Variants in KIAA0825 observed in about 807,000 individuals in gnomAD.
KIAA0825 encodes KIAA0825, also known as uncharacterized protein KIAA0825.
Under a neutral mutation model 147.6 loss-of-function variants are expected in KIAA0825, and 119 were observed. That is an observed-to-expected ratio of 0.81 (90% CI 0.69 to 0.94). The LOEUF is 0.94. Among genes scored for constraint, KIAA0825 ranks in the 40% least tolerant of loss-of-function variants. The pLI is 0.00. For missense variants in KIAA0825, 1,381 were observed against 1,472.7 expected, an observed-to-expected ratio of 0.94 and a Z score of 1.02; for synonymous variants, 470 against 518.1, an observed-to-expected ratio of 0.91 and a Z score of 1.26.
chr5:94,585,450 T>C (rs1783082030), intron 1 of KIAA0825, among the ~76,000 whole-genome samples: 1 of 152,158 alleles, frequency 6.6e-6, no homozygotes, highest in Non-Finnish European at 1.5e-5. Context: ...AGAAGGCCAT[T>C]ACATAATGGT....
intron 11 of KIAA0825, 67 bp downstream of exon 11, chr5:94,464,802 A>G (rs1760282015): frequency 1.5e-6 from 2 of 1,358,350 alleles, no homozygotes; most frequent in Non-Finnish European, 2.0e-6. Context: ...TGAGATTCAG[A>G]ATTCTGCTTT....
At chr5:94,473,082 A>G (rs976938531) in intron 8 of KIAA0825, among the ~76,000 whole-genome samples, 5 of 152,170 alleles carry the variant, frequency 3.3e-5, no homozygotes, top group African/African-American at 7.2e-5. Flanking sequence ...GTTGCCTCAG[A>G]TTCATGGAGC....
chr5:94,324,897 G>A (rs1286445901), intron 20 of KIAA0825, among the ~76,000 whole-genome samples: 1 of 151,634 alleles, frequency 6.6e-6, no homozygotes, highest in Non-Finnish European at 1.5e-5. Context: ...ACTTATATTT[G>A]GCCGATTCTC....
chr5:94,428,284 C>A (rs561617540), intron 14 of KIAA0825, among the ~76,000 whole-genome samples: 1 of 151,468 alleles, frequency 6.6e-6, no homozygotes, highest in Non-Finnish European at 1.5e-5. Flanking sequence ...AGGTTTTGAT[C>A]CTATCATGAA....
intron 20 of KIAA0825, among the ~76,000 whole-genome samples, chr5:94,249,546 T>C (rs1775832168): frequency 6.6e-6 from 1 of 152,030 alleles, no homozygotes; most frequent in Admixed American, 6.6e-5. Context: ...AACACCCAGG[T>C]TGCATGCCCA....
In KIAA0825 at chr5:94,425,573, T is replaced by G. The variant is rs116027471; in HGVS notation, c.2498-8208A>C. 7.3e-3 allele frequency among the ~76,000 whole-genome samples: 1,107 copies of G among 152,168 alleles called. 17 individuals are homozygous for G. The highest frequency in any genetic ancestry group is 0.025 in the African/African-American group (1,052 of 41,504). ...GGGCAACACAGCAGGACCTCACCAT[T>G]GCACTCTAGCCTAGGCAACAGAGTG... On this transcript the variant is annotated intron_variant, in intron 14 of 20. Coordinates refer to ENST00000682413, the MANE Select transcript of KIAA0825 (RefSeq NM_001145678.3).
At chr5:94,578,572 T>A (rs1282180512) in intron 2 of KIAA0825, among the ~76,000 whole-genome samples, 1 of 152,222 alleles carries the variant, frequency 6.6e-6, no homozygotes, top group Non-Finnish European at 1.5e-5. Context: ...CTACCTTGCA[T>A]CCCTGCTTAT....
chr5:94,333,288 T>C (rs1446279299), intron 20 of KIAA0825, among the ~76,000 whole-genome samples: 1 of 152,218 alleles, frequency 6.6e-6, no homozygotes, highest in Non-Finnish European at 1.5e-5. Flanking sequence ...GTTTTAGTCA[T>C]GAAGTCTTTG....
intron 20 of KIAA0825, among the ~76,000 whole-genome samples, chr5:94,338,281 G>A (rs908083581): frequency 1.3e-5 from 2 of 150,992 alleles, no homozygotes; most frequent in Non-Finnish European, 3.0e-5. Context: ...GGCTTTTCAT[G>A]ACTGTATCTC....
rs372411045 is a variant in KIAA0825 at position 94,520,942 on chromosome 5, T to C, written c.301-25A>G. ...GCTAATGAAATTATAACATTAGAAA[T>C]GTGATTAAGTGCAATAGAAAAAATG... On this transcript the variant is annotated intron_variant, in intron 4 of 20. Coordinates refer to ENST00000682413, the MANE Select transcript of KIAA0825 (RefSeq NM_001145678.3). 70 of 1,475,922 alleles carry C rather than the reference T, an allele frequency of 4.7e-5. No homozygotes were observed. In the South Asian group the frequency reaches 7.6e-4, roughly 16 times the overall value. 91.4% of individuals were successfully genotyped at this position (1,475,922 alleles called of 1,614,324 possible).
intron 1 of KIAA0825, among the ~76,000 whole-genome samples, chr5:94,614,654 A>G (rs1423034116): frequency 6.6e-6 from 1 of 152,106 alleles, no homozygotes; most frequent in East Asian, 1.9e-4. Flanking sequence ...CCTATATGGC[A>G]CAAACTCAAT....
chr5:94,524,109 C>A lies in KIAA0825; in HGVS notation c.132-11G>T. 6.3e-7 allele frequency: 1 copy of A among 1,582,090 alleles called. No homozygotes were observed. The highest frequency in any genetic ancestry group is 1.4e-5 in the African/African-American group (1 of 73,340). On this transcript the variant is annotated splice_polypyrimidine_tract_variant and intron_variant, in intron 3 of 20. Transcript: ENST00000682413. ...ATGCAATGTTTTATGCTATAAAAAA[C>A]AGAAGAAAAAGTTATTTTGGCAGGA...
chr5:94,533,979 C>A (rs1226411176), intron 3 of KIAA0825, among the ~76,000 whole-genome samples: 1 of 152,118 alleles, frequency 6.6e-6, no homozygotes, highest in East Asian at 1.9e-4. Context: ...CTCATAAAAC[C>A]TGATGATATT....
chr5:94,390,194 T>C (rs1296831255), intron 18 of KIAA0825, among the ~76,000 whole-genome samples: 1 of 152,204 alleles, frequency 6.6e-6, no homozygotes, highest in East Asian at 1.9e-4. Flanking sequence ...TTTTTAATAT[T>C]ATGCACCTTT....
At chr5:94,539,811 C>A (rs1002719924) in intron 2 of KIAA0825, among the ~76,000 whole-genome samples, 1 of 151,970 alleles carries the variant, frequency 6.6e-6, no homozygotes. Context: ...GGTTAGAGGC[C>A]CCTCTCGGTA....
intron 20 of KIAA0825, among the ~76,000 whole-genome samples, chr5:94,184,228 G>A (rs774858997): frequency 6.6e-6 from 1 of 152,188 alleles, no homozygotes; most frequent in Non-Finnish European, 1.5e-5. Flanking sequence ...GAAAGGAAGT[G>A]AGGTAGCATG....
At chr5:94,326,057 T>A (rs1413892794) in intron 20 of KIAA0825, among the ~76,000 whole-genome samples, 1 of 152,078 alleles carries the variant, frequency 6.6e-6, no homozygotes, top group Non-Finnish European at 1.5e-5. Context: ...AGTGATATAT[T>A]AATTCACCTT....
intron 7 of KIAA0825, among the ~76,000 whole-genome samples, chr5:94,473,944 A>AT (rs1761530804): frequency 6.6e-6 from 1 of 152,218 alleles, no homozygotes. Context: ...GTATTGCAAC[A>AT]TAAGGCAGCA....
At chr5:94,225,305 G>C (rs1774064208) in intron 20 of KIAA0825, among the ~76,000 whole-genome samples, 1 of 152,188 alleles carries the variant, frequency 6.6e-6, no homozygotes. Flanking sequence ...CTTCTAGATT[G>C]AGAAGACAAA....
Sources: gnomAD v4.1 joint callset for allele counts (sites outside exome capture counted in the v4.1 genomes callset) on GRCh38, gnomAD v4.1.1 for gene constraint, MANE v1.5 for transcripts, NCBI Gene and HGNC (gene_info 2026-07-23, HGNC 2026-07-21) for gene names.